The following PREPL variants were observed in gnomAD, a reference collection of about 807,000 sequenced individuals.
The protein encoded by PREPL is prolyl endopeptidase-like.
PREPL carries 77 observed loss-of-function variants against 70.6 expected under a neutral mutation model. That is an observed-to-expected ratio of 1.09 (90% CI 0.91 to 1.32). PREPL has a LOEUF of 1.32. PREPL is among the 40% of genes most tolerant of loss of function. The pLI, the probability that PREPL is intolerant of heterozygous loss-of-function variation, is 0.00. For synonymous variants in PREPL, 315 were observed against 264.8 expected (o/e 1.19, Z -1.84); for missense variants, 1,002 against 778.2 (o/e 1.29, Z -3.42).
intron 1 of PREPL, among the ~76,000 whole-genome samples, chr2:44,352,463 T>C (rs1431892255): frequency 6.6e-6 from 1 of 152,180 alleles, no homozygotes; most frequent in Admixed American, 6.5e-5. Context: ...GGTTTTGCCA[T>C]GTTGCCCAGG....
At position 44,320,342 on chromosome 2, in the gene PREPL, T is replaced by C. The variant is rs1672821679; in HGVS notation, c.*1014A>G. The C allele has an allele frequency of 1.9e-6, 3 of 1,614,046 alleles. No individual in the cohort carries two copies. The highest frequency in any genetic ancestry group is 1.7e-5 in the Admixed American group (1 of 60,002). ...ATGTTGTGTACACAAGAGAGCTGGATGGCATCGACAGAATCTTTATCGTGG... is the reference window on the plus strand; with the variant it reads ...ATGTTGTGTACACAAGAGAGCTGGACGGCATCGACAGAATCTTTATCGTGG... On this transcript the variant is annotated 3_prime_UTR_variant, in exon 14 of 14. Transcript: ENST00000409411.
At position 44,334,469 on chromosome 2, in the gene PREPL, A is replaced by G. The variant is rs375564064; in HGVS notation, c.889-1813T>C. Among the ~76,000 whole-genome samples the G allele has an allele frequency of 9.0e-4, 137 of 152,366 alleles. 4 individuals are homozygous for G. In the South Asian group the frequency reaches 0.022, roughly 25 times the overall value. On this transcript the variant is annotated intron_variant, in intron 7 of 13. Coordinates refer to ENST00000409411, the MANE Select transcript of PREPL (RefSeq NM_001171613.2). ...TTTTGTGACAAAAAAAAATACTTCCAGAAAATACTGATGGCATGGTGACCA... is the reference window on the plus strand; with the variant it reads ...TTTTGTGACAAAAAAAAATACTTCCGGAAAATACTGATGGCATGGTGACCA...
chr2:44,329,635 C>T (rs1191065383), intron 8 of PREPL, among the ~76,000 whole-genome samples: 1 of 152,044 alleles, frequency 6.6e-6, no homozygotes, highest in Non-Finnish European at 1.5e-5. Context: ...TGATAACTAC[C>T]ACAATCCTCT....
In PREPL at chr2:44,342,499, T is replaced by C. The variant is rs745997350; in HGVS notation, c.403A>G (p.Asn135Asp). 2 of 1,612,746 alleles carry C rather than the reference T, an allele frequency of 1.2e-6. No individual in the cohort carries two copies. The highest frequency in any genetic ancestry group is 1.7e-6 in the Non-Finnish European group (2 of 1,179,166). ...EDVLFYTFQR[N>D]LRCHDVYRAT... is the part of the protein sequence containing the mutation. ...CGATATACGTCATGACAGCGAAGGTTCCTCTGGAAGGTGTAGAATAAAACA... is the reference window on the plus strand; with the variant it reads ...CGATATACGTCATGACAGCGAAGGTCCCTCTGGAAGGTGTAGAATAAAACA... Residue 135 changes from asparagine (N) to aspartate (D), a missense_variant, in exon 5 of 14, where the codon AAC becomes GAC. Coordinates refer to ENST00000409411, the MANE Select transcript of PREPL (RefSeq NM_001171613.2).
intron 7 of PREPL, among the ~76,000 whole-genome samples, chr2:44,334,876 A>C (rs2103868296): frequency 6.6e-6 from 1 of 152,324 alleles, no homozygotes. Context: ...TGAATTTAAA[A>C]AGATCTTTTA....
chr2:44,326,874 T>A lies in PREPL; in HGVS notation c.1317A>T (p.Lys439Asn), dbSNP rs1673554636. The A allele has an allele frequency of 6.2e-7, 1 of 1,613,846 alleles. No homozygotes were observed. Among genetic ancestry groups the A allele is most frequent in the East Asian group, 2.2e-5 (1 of 44,862 alleles). Residue 439 changes from lysine to asparagine, a missense_variant, in exon 10 of 14, where the codon AAA becomes AAT. Transcript: ENST00000409411. The stretch of plus-strand genomic sequence containing the variant: ...CCTCTAAATCAGCAAGGCCATTGAG[T>A]TTTTTAGTTAGGCGGCCATCAGCGT... ...QWHADGRLTK[K>N]LNGLADLEAC...
intron 10 of PREPL, 71 bp downstream of exon 10, chr2:44,326,641 A>T: frequency 1.3e-6 from 2 of 1,508,656 alleles, no homozygotes; most frequent in South Asian, 2.3e-5. Context: ...GCCCAAAAAC[A>T]TTTTTCTTAG....
chr2:44,352,198 T>G (rs946802724), intron 1 of PREPL, among the ~76,000 whole-genome samples: 3 of 152,212 alleles, frequency 2.0e-5, no homozygotes, highest in Non-Finnish European at 2.9e-5. Context: ...TTCCCCGTCT[T>G]TTTTTTCTTT....
chr2:44,340,063 G>A (rs1675048819), intron 5 of PREPL, among the ~76,000 whole-genome samples: 1 of 151,820 alleles, frequency 6.6e-6, no homozygotes, highest in African/African-American at 2.4e-5. Context: ...TTTTGATTCT[G>A]TATTTCTTAC....
At chr2:44,360,285 T>G (rs890181290) in intron 1 of PREPL, 4 of 152,266 alleles carry the variant, frequency 2.6e-5, no homozygotes, top group Non-Finnish European at 5.9e-5. Flanking sequence ...TTATCTTGTT[T>G]GTCTAATTTA....
intron 1 of PREPL, among the ~76,000 whole-genome samples, chr2:44,355,123 C>G (rs1676880808): frequency 6.6e-6 from 1 of 152,156 alleles, no homozygotes; most frequent in Admixed American, 6.5e-5. Context: ...TCAGGTTTTG[C>G]CCATTCTCAA....
chr2:44,355,600 C>T (rs1187640766), intron 1 of PREPL, among the ~76,000 whole-genome samples: 1 of 152,150 alleles, frequency 6.6e-6, no homozygotes, highest in Non-Finnish European at 1.5e-5. Context: ...ATCTGAGTTA[C>T]TGACAAGGCT....
chr2:44,354,578 C>CT (rs59897288), intron 1 of PREPL, among the ~76,000 whole-genome samples: 1,868 of 146,896 alleles, frequency 0.013, 16 homozygotes, highest in African/African-American at 0.021. Context: ...TTCCTCCTCT[C>CT]TTTTTTTTTT....
At chr2:44,354,624 G>T (rs1200678670) in intron 1 of PREPL, among the ~76,000 whole-genome samples, 2 of 151,718 alleles carry the variant, frequency 1.3e-5, no homozygotes, top group African/African-American at 2.4e-5. Context: ...CACCAGGCTG[G>T]AGTGCAGTGG....
At chr2:44,347,345 AAAG>A (rs1195877701) in intron 1 of PREPL, 2 of 152,222 alleles carry the variant, frequency 1.3e-5, no homozygotes, top group African/African-American at 4.8e-5. Context: ...ACAACAAAAA[AAAG>A]GGAATTAATG....
At chr2:44,345,267 C>G (rs1337377277) in intron 2 of PREPL, among the ~76,000 whole-genome samples, 2 of 152,144 alleles carry the variant, frequency 1.3e-5, no homozygotes, top group Non-Finnish European at 2.9e-5. Context: ...GATCCTTATT[C>G]TTAACCTACT....
At position 44,321,604 on chromosome 2, in the gene PREPL, T is replaced by C. The variant is rs954425108; in HGVS notation, c.1828-159A>G. On this transcript the variant is annotated intron_variant, in intron 13 of 13. Transcript: ENST00000409411. ...GAGAGAGGCAGAAGGCTTCCAACAA[T>C]TAAGATTAAATTATTTTCTTTAACA... 1.0e-5 allele frequency: 15 copies of C among 1,481,450 alleles called. No homozygotes were observed. The African/African-American group carries it at 2.0e-4, about 20-fold the overall frequency. The allele number at this position is 1,481,450 out of a possible 1,614,324, so 91.8% of individuals were successfully genotyped here. A position where few individuals can be genotyped will look rare whatever the true frequency, so the allele number is the denominator to read the frequency against.
chr2:44,361,121 C>G (rs1677733080), intron 1 of PREPL, among the ~76,000 whole-genome samples: 1 of 152,192 alleles, frequency 6.6e-6, no homozygotes, highest in Non-Finnish European at 1.5e-5. Flanking sequence ...TCTTTCATCC[C>G]CAAGAAGACA....
intron 1 of PREPL, among the ~76,000 whole-genome samples, chr2:44,353,379 G>C (rs1676657909): frequency 6.6e-6 from 1 of 152,014 alleles, no homozygotes; most frequent in African/African-American, 2.4e-5. Flanking sequence ...GAGGTCAGGA[G>C]TTTGAGACCA....
Sources: gnomAD v4.1 joint callset for allele counts (sites outside exome capture counted in the v4.1 genomes callset) on GRCh38, gnomAD v4.1.1 for gene constraint, MANE v1.5 for transcripts, NCBI Gene and HGNC (gene_info 2026-07-23, HGNC 2026-07-21) for gene names.